The following DARS1 variants were observed in gnomAD, a reference collection of about 807,000 sequenced individuals.
DARS1 encodes aspartyl-tRNA synthetase 1.
A neutral mutation model predicts 68.8 loss-of-function variants in DARS1; 51 were observed. That is an observed-to-expected ratio of 0.74 (90% confidence interval 0.59 to 0.94). The LOEUF (loss-of-function observed/expected upper bound fraction) is 0.94. Among genes scored for constraint, DARS1 ranks in the 40% least tolerant of loss-of-function variants. DARS1 has a pLI of 0.00. For missense variants in DARS1, 607 were observed against 597.3 expected, an observed-to-expected ratio of 1.02 and a Z score of -0.17; for synonymous variants, 203 against 190.4, an observed-to-expected ratio of 1.07 and a Z score of -0.55.
intron 12 of DARS1, among the ~76,000 whole-genome samples, chr2:135,913,299 T>C (rs939480195): frequency 6.6e-6 from 1 of 152,182 alleles, no homozygotes; most frequent in African/African-American, 2.4e-5. Flanking sequence ...ACATGGATTA[T>C]CTTCCCAAGA....
At chr2:135,907,685 T>C (rs574202016) in intron 15 of DARS1, among the ~76,000 whole-genome samples, 38 of 152,236 alleles carry the variant, frequency 2.5e-4, no homozygotes, top group African/African-American at 8.4e-4. Context: ...AAATCTATGA[T>C]GTAACAATAA....
At chr2:135,919,142 T>C (rs1346492590) in intron 10 of DARS1, among the ~76,000 whole-genome samples, 2 of 152,176 alleles carry the variant, frequency 1.3e-5, no homozygotes, top group Admixed American at 1.3e-4. Flanking sequence ...GTGATTCCCC[T>C]GCCTCAGCCT....
intron 7 of DARS1, among the ~76,000 whole-genome samples, chr2:135,928,372 T>A (rs1681268368): frequency 6.6e-6 from 1 of 152,044 alleles, no homozygotes; most frequent in South Asian, 2.1e-4. Context: ...ACTATTATTT[T>A]AAAAAATCAG....
intron 8 of DARS1, 148 bp from the exon 9 acceptor site, chr2:135,923,066 ATCATCTTC>A: frequency 1.1e-6 from 1 of 910,564 alleles, no homozygotes; most frequent in Non-Finnish European, 1.4e-6. Context: ...GTCTATATAC[ATCATCTTC>A]TATGTGATTC....
In DARS1 at chr2:135,920,567, T is replaced by G. The variant is rs1681092568; in HGVS notation, c.845A>C (p.His282Pro). ...FRAEDSNTHRHLTEFVGLDIE... is the reference protein window; with the variant it reads ...FRAEDSNTHRPLTEFVGLDIE... ...GTCCAAACCAACAAACTCAGTTAGA[T>G]GTCTATGGGTATTAGAGTCTTCCGC... Residue 282 changes from histidine (H) to proline (P), a missense_variant, in exon 10 of 16, where the codon CAT becomes CCT. By Grantham distance (77) the His-to-Pro change is moderately conservative. Coordinates refer to ENST00000264161, the MANE Select transcript of DARS1 (RefSeq NM_001349.4). 1 of 1,613,422 alleles carries G rather than the reference T, an allele frequency of 6.2e-7. No homozygotes were observed. Among genetic ancestry groups the G allele is most frequent in the South Asian group, 1.1e-5 (1 of 90,974 alleles).
intron 2 of DARS1, among the ~76,000 whole-genome samples, chr2:135,979,889 G>C (rs766246409): frequency 6.6e-6 from 1 of 152,196 alleles, no homozygotes; most frequent in Non-Finnish European, 1.5e-5. Context: ...CTGAGCTAAT[G>C]CAAGTCTTTC....
chr2:135,952,167 C>G (rs1022121436), intron 4 of DARS1, among the ~76,000 whole-genome samples: 3 of 152,184 alleles, frequency 2.0e-5, no homozygotes, highest in African/African-American at 7.2e-5. Flanking sequence ...TCGCTTGAAC[C>G]TGGGAGGCAG....
At chr2:135,928,489 C>A (rs1480193037) in intron 7 of DARS1, among the ~76,000 whole-genome samples, 4 of 151,056 alleles carry the variant, frequency 2.6e-5, no homozygotes, top group Admixed American at 2.6e-4. Flanking sequence ...GGACTACAGG[C>A]ACATGCCACC....
chr2:135,943,239 C>G (rs1681646124), intron 5 of DARS1, 139 bp downstream of exon 5: 1 of 1,237,160 alleles, frequency 8.1e-7, no homozygotes. Flanking sequence ...TGTTATATAA[C>G]AAAAGCTAAT....
At position 135,985,571 on chromosome 2, in the gene DARS1, C is replaced by CCA; in HGVS notation, c.-104_-103insTG. The CCA allele has an allele frequency of 6.3e-7, 1 of 1,588,528 alleles. No individual in the cohort carries two copies. The highest frequency in any genetic ancestry group is 8.6e-7 in the Non-Finnish European group (1 of 1,167,410). ...CCTCCCAGTCTCCGCCCTCCCGACCCTGGGGTCTCAGCACACGCGCTCGGA... is the reference window on the plus strand; with the variant it reads ...CCTCCCAGTCTCCGCCCTCCCGACCCCATGGGGTCTCAGCACACGCGCTCGGA... On this transcript the variant is annotated 5_prime_UTR_variant, in exon 1 of 16. In the 5' UTR this introduces an upstream ATG that the reference lacks. Coordinates refer to ENST00000264161, the MANE Select transcript of DARS1 (RefSeq NM_001349.4).
intron 4 of DARS1, among the ~76,000 whole-genome samples, chr2:135,952,192 C>T (rs967834111): frequency 5.9e-5 from 9 of 152,082 alleles, no homozygotes; most frequent in East Asian, 1.9e-4. Flanking sequence ...TGCAGTAAGC[C>T]GAGATTGCAC....
intron 10 of DARS1, among the ~76,000 whole-genome samples, chr2:135,917,115 C>A (rs115249754): frequency 4.2e-4 from 64 of 152,020 alleles, no homozygotes; most frequent in African/African-American, 1.5e-3. Context: ...GAGCCAAGAT[C>A]GGCCATTGCC....
chr2:135,924,619 AT>A (rs1258461513), intron 7 of DARS1, 121 bp from the exon 8 acceptor site: 11 of 1,398,132 alleles, frequency 7.9e-6, no homozygotes, highest in Non-Finnish European at 1.0e-5. Flanking sequence ...AATTCTAATA[AT>A]TGGAGAGAAG....
intron 9 of DARS1, among the ~76,000 whole-genome samples, chr2:135,922,307 CAT>C (rs754821218): frequency 6.6e-6 from 1 of 152,052 alleles, no homozygotes; most frequent in African/African-American, 2.4e-5. Context: ...AGGACAAAAA[CAT>C]ATATTTCTTT....
At chr2:135,924,902 T>C (rs1438285837) in intron 7 of DARS1, among the ~76,000 whole-genome samples, 3 of 152,140 alleles carry the variant, frequency 2.0e-5, no homozygotes, top group East Asian at 1.9e-4. Context: ...TATTTGACAA[T>C]AAATGAATAA....
chr2:135,973,474 C>A (rs1004453829), intron 3 of DARS1, among the ~76,000 whole-genome samples: 210 of 140,918 alleles, frequency 1.5e-3, no homozygotes, highest in South Asian at 2.2e-3. Flanking sequence ...TAATGGGTAC[C>A]AAAAAAAAAA....
At chr2:135,925,338 G>A (rs1411371898) in intron 7 of DARS1, among the ~76,000 whole-genome samples, 4 of 152,174 alleles carry the variant, frequency 2.6e-5, no homozygotes, top group African/African-American at 9.7e-5. Flanking sequence ...AGTAAAACAT[G>A]TGACCTCAAA....
rs373077996 is a variant in DARS1 at position 135,912,558 on chromosome 2, T to C, written c.1158A>G (p.Thr386=). The part of the protein sequence containing the change: ...LGHLVKEKYD[T]DFYILDKYPL... Reference sequence around the variant, plus strand: ...GATATTTATCAAGAATATAAAAATCTGTATCATACTATAAAAAGAATAAAT... The same window carrying C: ...GATATTTATCAAGAATATAAAAATCCGTATCATACTATAAAAAGAATAAAT... The change falls in exon 13 of 16, where the codon ACA becomes ACG. Residue 386 remains threonine, a synonymous_variant. Coordinates refer to ENST00000264161, the MANE Select transcript of DARS1 (RefSeq NM_001349.4). The C allele has an allele frequency of 4.1e-5, 36 of 887,994 alleles. No homozygotes were observed. The African/African-American group carries it at 6.0e-4, about 15-fold the overall frequency. The allele number at this position is 887,994 out of a possible 1,614,324, so 55.0% of individuals were successfully genotyped here. A position where few individuals can be genotyped will look rare whatever the true frequency, so the allele number is the denominator to read the frequency against.
At chr2:135,922,698 G>T in intron 9 of DARS1, 86 bp downstream of exon 9, 2 of 1,396,946 alleles carry the variant, frequency 1.4e-6, no homozygotes, top group Non-Finnish European at 1.9e-6. Flanking sequence ...CAAAGTGTCT[G>T]TACATTATAT....
Sources: allele counts gnomAD v4.1 joint callset (sites outside exome capture counted in the v4.1 genomes callset), GRCh38; gene constraint gnomAD v4.1.1; transcripts MANE v1.5; gene names NCBI Gene and HGNC (gene_info 2026-07-23, HGNC 2026-07-21).